MFSD12: variants seen among roughly 807,000 people sequenced by gnomAD.
MFSD12 encodes major facilitator superfamily domain containing 12.
MFSD12 carries 67 observed loss-of-function variants against 51.2 expected under a neutral mutation model. The ratio of observed to expected loss-of-function variants is 1.31; its 90% CI spans 1.08 to 1.60. The LOEUF is 1.60. MFSD12 is among the 40% of genes most tolerant of loss of function. The probability of loss-of-function intolerance (pLI) is 0.00; values close to 1 mark genes in which losing one functional copy is unlikely to be tolerated. For synonymous variants in MFSD12, 441 were observed against 316.7 expected (o/e 1.39, Z -4.17); for missense variants, 921 against 673.0 (o/e 1.37, Z -4.08).
At chr19:3,548,690 G>GA (rs1223830501) in intron 2 of MFSD12, among the ~76,000 whole-genome samples, 2 of 152,088 alleles carry the variant, frequency 1.3e-5, no homozygotes, top group Admixed American at 1.3e-4. Flanking sequence ...GAGTCCCCCG[G>GA]GGGGCCTCAG....
chr19:3,548,996 G>A (rs1374436147), intron 2 of MFSD12, among the ~76,000 whole-genome samples: 2 of 152,200 alleles, frequency 1.3e-5, no homozygotes, highest in Non-Finnish European at 2.9e-5. Context: ...AAGGCGCTGT[G>A]AGGACCCTGG....
chr19:3,543,223 G>A, downstream of MFSD12: 1 of 1,540,614 alleles, frequency 6.5e-7, no homozygotes, highest in South Asian at 1.2e-5. Flanking sequence ...TCTGCCCCCT[G>A]CCCACCCTCA....
At chr19:3,542,930 A>T, downstream of MFSD12, 1 of 1,460,864 alleles carries the variant, frequency 6.8e-7, no homozygotes, top group Non-Finnish European at 9.2e-7. Context: ...ATCCAGGAGT[A>T]GCCAGGGCCC....
chr19:3,539,470 G>A, downstream of MFSD12: 1 of 554,772 alleles, frequency 1.8e-6, no homozygotes, highest in South Asian at 2.4e-5. Flanking sequence ...GACAGGCCAA[G>A]AACAAATGTG....
Position 3,551,873 on chromosome 19 carries a change from T to G in MFSD12, c.299-679A>C, listed in dbSNP as rs2031493768. 6.6e-6 allele frequency among the ~76,000 whole-genome samples: 1 copy of G among 152,096 alleles called. No homozygotes were observed. Among genetic ancestry groups the G allele is most frequent in the Admixed American group, 6.5e-5 (1 of 15,270 alleles). ...CTCTGCTCCAGCCATGCAGGTCTCC[T>G]CACTGCAGGACCTCTTCAACATGCC... On this transcript the variant is annotated intron_variant, in intron 1 of 9. Transcript: ENST00000355415. The surrounding 1 kb of genome is among the most constrained non-coding windows in gnomAD (Gnocchi z 4.6).
intron 1 of MFSD12, among the ~76,000 whole-genome samples, chr19:3,553,273 C>T (rs543844073): frequency 4.6e-5 from 7 of 152,126 alleles, no homozygotes; most frequent in South Asian, 4.1e-4. Context: ...CTGGGGACCT[C>T]GGGCAAGTGA....
At chr19:3,549,445 C>T (rs1004434597) in intron 2 of MFSD12, among the ~76,000 whole-genome samples, 1 of 152,066 alleles carries the variant, frequency 6.6e-6, no homozygotes, top group Admixed American at 6.5e-5. Flanking sequence ...GATTACTGGC[C>T]AGGCGCGGTG....
At position 3,546,377 on chromosome 19, in the gene MFSD12, C is replaced by T; in HGVS notation, c.1072G>A (p.Val358Met). 1 of 1,608,376 alleles carries T rather than the reference C, an allele frequency of 6.2e-7. No individual in the cohort carries two copies. ...LLVILAFAAW[V>M]ALAEGLGVAV... ...ACACCCAGTCCCTCCGCCAGCGCCA[C>T]CCAGGCGGCAAAGGCCAGGATCACC... Residue 358 changes from valine (V) to methionine (M), a missense_variant, in exon 7 of 10, where the codon GTG becomes ATG. Physicochemically the swap from Val to Met is conservative, Grantham distance 21. Coordinates refer to ENST00000355415, the MANE Select transcript of MFSD12 (RefSeq NM_174983.5).
In MFSD12 at chr19:3,538,800, G is replaced by C. The variant is rs913140622; in HGVS notation, c.*6-44C>G. ...CGGACTGGATGTGAGTGGGTGAGGA[G>C]TGAGGAGCTGGGGTGACAGGTGCCT... On this transcript the variant is annotated intron_variant, in intron 4 of 4. Coordinates refer to the MFSD12 transcript ENST00000398558. The C allele has an allele frequency of 1.1e-5, 6 of 544,206 alleles. No homozygotes were observed. In the African/African-American group the frequency reaches 1.1e-4, roughly 10 times the overall value. 33.7% of individuals were successfully genotyped at this position (544,206 alleles called of 1,614,324 possible).
In MFSD12 at chr19:3,546,131, A is replaced by G. The variant is rs1420838809; in HGVS notation, c.1232T>C (p.Leu411Ser). The change falls in exon 8 of 10, where the codon TTG becomes TCG. Residue 411 changes from leucine (L) to serine (S), a missense_variant. Physicochemically the swap from Leu to Ser is moderately radical, Grantham distance 145 (BLOSUM62 -2). Coordinates refer to ENST00000355415, the MANE Select transcript of MFSD12 (RefSeq NM_174983.5). ...GAFVYGSMSF[L>S]DKVANGLAVM... ...TGCCAGCCCATTGGCCACCTTATCC[A>G]AGAAGCTCATGGAGCCGTACACGAA... is the stretch of plus-strand genomic sequence containing the variant. The G allele has an allele frequency of 3.1e-6, 5 of 1,613,192 alleles. No individual in the cohort carries two copies. The highest frequency in any genetic ancestry group is 4.2e-6 in the Non-Finnish European group (5 of 1,180,010).
At chr19:3,539,844 C>T (rs2030212925), downstream of MFSD12, 1 of 152,894 alleles carries the variant, frequency 6.5e-6, no homozygotes, top group African/African-American at 2.4e-5. Context: ...TGGGGGTATA[C>T]CAGTCACCCC....
chr19:3,543,717 G>C (rs991016028), downstream of MFSD12: 5 of 1,499,906 alleles, frequency 3.3e-6, no homozygotes, highest in African/African-American at 4.2e-5. Context: ...TGGGAGGCCA[G>C]GGGGACAAGG....
rs781672957 is a variant in MFSD12, at chr19:3,557,101, C to T, written c.298+5G>A. 4.1e-6 allele frequency: 6 copies of T among 1,466,926 alleles called. No individual in the cohort carries two copies. The Admixed American group carries it at 7.9e-5, about 19-fold the overall frequency. 90.9% of individuals were successfully genotyped at this position (1,466,926 alleles called of 1,614,324 possible). ...CCCGACAGGTGGCGGGGCCGGGACGCTTACCGACCAGGTGCCAGGCCTTGC... is the reference window on the plus strand; with the variant it reads ...CCCGACAGGTGGCGGGGCCGGGACGTTTACCGACCAGGTGCCAGGCCTTGC... On this transcript the variant is annotated splice_donor_5th_base_variant and intron_variant, in intron 1 of 9. Transcript: ENST00000355415.
At chr19:3,544,000 C>G (rs569604146), downstream of MFSD12, 245 of 1,541,062 alleles carry the variant, frequency 1.6e-4, 1 homozygote, top group South Asian at 2.7e-3. Context: ...CTCACACCCA[C>G]TCCCCGATAA....
At chr19:3,539,483 T>C (rs2030180280), downstream of MFSD12, 1 of 541,862 alleles carries the variant, frequency 1.8e-6, no homozygotes, top group Admixed American at 3.1e-5. Context: ...CAAATGTGTC[T>C]GCGGCCGTCT....
rs182956046 is a variant in MFSD12 at position 3,546,064 on chromosome 19, C to G, written c.1289+10G>C. 146 of 1,612,502 alleles carry G rather than the reference C, an allele frequency of 9.1e-5. No individual in the cohort carries two copies. The highest frequency in any genetic ancestry group is 4.8e-4 in the Admixed American group (29 of 60,020). ...AACAAAAGAATGAATGAACGAACAG[C>G]GGCACTCACGGGCAAGGGTGCAGGC... is the stretch of plus-strand genomic sequence containing the variant. On this transcript the variant is annotated intron_variant, in intron 8 of 9. Coordinates refer to ENST00000355415, the MANE Select transcript of MFSD12 (RefSeq NM_174983.5).
At position 3,544,458 on chromosome 19, in the gene MFSD12, C is replaced by A; in HGVS notation, c.*252G>T. ...CCTGTTCCCTGCCGAGAGGGGCACC[C>A]CAAATCCTCCAGAGGGCTGGGATGG... On this transcript the variant is annotated 3_prime_UTR_variant, in exon 10 of 10. Coordinates refer to ENST00000355415, the MANE Select transcript of MFSD12 (RefSeq NM_174983.5). The A allele has an allele frequency of 5.2e-6, 7 of 1,349,784 alleles. No homozygotes were observed. The highest frequency in any genetic ancestry group is 6.6e-6 in the Non-Finnish European group (7 of 1,053,504). The allele number at this position is 1,349,784 out of a possible 1,614,324, so 83.6% of individuals were successfully genotyped here. A position where few individuals can be genotyped will look rare whatever the true frequency, so the allele number is the denominator to read the frequency against.
Position 3,546,336 on chromosome 19 carries a change from C to T in MFSD12, c.1113G>A (p.Ala371=), listed in dbSNP as rs369574467. 187 of 1,608,072 alleles carry T rather than the reference C, an allele frequency of 1.2e-4. No individual in the cohort carries two copies. Among genetic ancestry groups the T allele is most frequent in the African/African-American group, 2.8e-4 (21 of 74,904 alleles). The change falls in exon 7 of 10, where the codon GCG becomes GCA. Residue 371 remains alanine (A), a synonymous_variant. Coordinates refer to ENST00000355415, the MANE Select transcript of MFSD12 (RefSeq NM_174983.5). Reference sequence around the variant, plus strand: ...CACAGCCAGCACCCAGCAGCACAGCCGCTGCGTACACGGCCACACCCAGTC... The same window carrying T: ...CACAGCCAGCACCCAGCAGCACAGCTGCTGCGTACACGGCCACACCCAGTC... The part of the protein sequence containing the change: ...AEGLGVAVYA[A]AVLLGAGCAT...
Position 3,547,557 on chromosome 19 carries a change from G to A in MFSD12, c.838-10C>T, listed in dbSNP as rs770128097. On this transcript the variant is annotated splice_polypyrimidine_tract_variant and intron_variant, in intron 4 of 9. Coordinates refer to ENST00000355415, the MANE Select transcript of MFSD12 (RefSeq NM_174983.5). ...TGTACAGTATGCCCACCTGTGGGCA[G>A]ACCGACAGAGGGACTGGCAGGGGTC... 19 of 1,600,754 alleles carry A rather than the reference G, an allele frequency of 1.2e-5. No homozygotes were observed. The Middle Eastern group carries it at 5.0e-4, about 42-fold the overall frequency.
Sources: gnomAD v4.1 joint callset for allele counts (sites outside exome capture counted in the v4.1 genomes callset) on GRCh38, gnomAD v4.1.1 for gene constraint, Gnocchi (gnomAD v3.1) non-coding constraint, MANE v1.5 for transcripts, NCBI Gene and HGNC (gene_info 2026-07-23, HGNC 2026-07-21) for gene names.